Variants in CD164 observed in about 807,000 individuals in gnomAD.
CD164 encodes the protein CD164 molecule, also known as sialomucin core protein 24.
Under a neutral mutation model 24.6 loss-of-function variants are expected in CD164, and 11 were observed. The observed-to-expected ratio is 0.45, with a 90% confidence interval of 0.28 to 0.74. CD164 has a LOEUF of 0.74. Among genes scored for constraint, CD164 ranks in the 30% least tolerant of loss-of-function variants. CD164 has a pLI of 0.13. For missense variants in CD164, 295 were observed against 243.7 expected (o/e 1.21, Z -1.40); for synonymous variants, 126 against 100.3 (o/e 1.26, Z -1.53).
At chr6:109,381,921 G>C (rs1477783544) in intron 1 of CD164, 1 of 420,034 alleles carries the variant, frequency 2.4e-6, no homozygotes, top group East Asian at 4.0e-5. Context: ...TAGGAATTAC[G>C]ATGCACTTTT....
At chr6:109,370,280 C>A (rs1771004132) in intron 5 of CD164, 131 bp downstream of exon 5, 9 of 714,974 alleles carry the variant, frequency 1.3e-5, no homozygotes, top group Non-Finnish European at 2.0e-5. Flanking sequence ...CTTGATCCCC[C>A]CTAAGAGTAA....
In CD164 at chr6:109,379,763, G is replaced by A. The variant is rs1053483237; in HGVS notation, c.176-101C>T. The stretch of plus-strand genomic sequence containing the variant: ...TTTTGAACAATAAGCATTACATACA[G>A]CATCAAAATTACTAATTCAGATAAA... On this transcript the variant is annotated intron_variant, in intron 1 of 5. Coordinates refer to ENST00000310786, the MANE Select transcript of CD164 (RefSeq NM_006016.6). 3.8e-6 allele frequency: 3 copies of A among 788,668 alleles called. No homozygotes were observed. The African/African-American group carries it at 5.3e-5, about 14-fold the overall frequency. 48.9% of individuals were successfully genotyped at this position (788,668 alleles called of 1,614,324 possible). A position where few individuals can be genotyped will look rare whatever the true frequency, so the allele number is the denominator to read the frequency against.
intron 1 of CD164, chr6:109,381,674 T>C: frequency 1.5e-6 from 1 of 680,898 alleles, no homozygotes; most frequent in Non-Finnish European, 2.7e-6. Flanking sequence ...CAAGCGACCT[T>C]CTCAGACTCA....
chr6:109,381,402 T>TA, intron 1 of CD164: 1 of 672,500 alleles, frequency 1.5e-6, no homozygotes, highest in Non-Finnish European at 2.7e-6. Context: ...AGGACATAGT[T>TA]AAGAAAATTT....
chr6:109,378,156 C>A (rs1407620), intron 2 of CD164, among the ~76,000 whole-genome samples, 185 bp from the exon 3 acceptor site: 1 of 152,044 alleles, frequency 6.6e-6, no homozygotes, highest in Non-Finnish European at 1.5e-5. Context: ...CCTTTTCCCA[C>A]TGACTTAGAG....
At chr6:109,373,429 A>G (rs1771209013) in intron 4 of CD164, among the ~76,000 whole-genome samples, 1 of 152,172 alleles carries the variant, frequency 6.6e-6, no homozygotes, top group African/African-American at 2.4e-5. Flanking sequence ...GAAACCGCCT[A>G]AAGGTTTGTT....
intron 3 of CD164, 99 bp from the exon 4 acceptor site, chr6:109,376,211 T>C (rs903731943): frequency 2.7e-6 from 2 of 741,512 alleles, no homozygotes; most frequent in African/African-American, 1.9e-5. Context: ...TTTGAGTACT[T>C]TTCACAATTT....
rs776159791 is a variant in CD164, at chr6:109,376,125, G to C, written c.332-13C>G. On this transcript the variant is annotated splice_polypyrimidine_tract_variant and intron_variant, in intron 3 of 5. Coordinates refer to ENST00000310786, the MANE Select transcript of CD164 (RefSeq NM_006016.6). The stretch of plus-strand genomic sequence containing the variant: ...GTGGCCGTGGAAACTATTAAAAAAA[G>C]AAAAAAGAAAAACCATATACATCAA... 6.4e-7 allele frequency: 1 copy of C among 1,551,882 alleles called. No individual in the cohort carries two copies. Among genetic ancestry groups the C allele is most frequent in the Non-Finnish European group, 8.6e-7 (1 of 1,158,504 alleles).
chr6:109,373,586 C>T (rs1488111840), intron 4 of CD164, among the ~76,000 whole-genome samples: 1 of 152,192 alleles, frequency 6.6e-6, no homozygotes, highest in Non-Finnish European at 1.5e-5. Context: ...CAGAGAACTA[C>T]ATCAAGAGTG....
intron 1 of CD164, chr6:109,380,234 T>C (rs1771661510): frequency 6.6e-6 from 1 of 152,272 alleles, no homozygotes; most frequent in Non-Finnish European, 1.5e-5. Flanking sequence ...TAAAAGCCCA[T>C]ATTCAAGTGC....
intron 1 of CD164, among the ~76,000 whole-genome samples, chr6:109,380,762 T>C (rs1214891661): frequency 1.3e-5 from 2 of 152,202 alleles, no homozygotes; most frequent in Non-Finnish European, 2.9e-5. Flanking sequence ...GCACTTCAAT[T>C]ACACAAAGAC....
rs1343563847 is a variant in CD164, at chr6:109,382,303, T to G, written c.76A>C (p.Asn26His). The change falls in exon 1 of 6, where the codon AAC (asparagine) becomes CAC (histidine). Residue 26 changes from asparagine (N) to histidine (H), a missense_variant. Transcript: ENST00000310786. ...GVLCVLSADK[N>H]TTQHPNVTTL... is the part of the protein sequence containing the mutation. ...GTCACGTTCGGGTGCTGGGTCGTGT[T>G]CTTGTCCGCGGACAGCACGCAGAGC... is the stretch of plus-strand genomic sequence containing the variant. 1.9e-6 allele frequency: 3 copies of G among 1,582,660 alleles called. No individual in the cohort carries two copies. The highest frequency in any genetic ancestry group is 1.7e-6 in the Non-Finnish European group (2 of 1,167,634).
chr6:109,378,372 A>C (rs1329943824), intron 2 of CD164, among the ~76,000 whole-genome samples: 3 of 152,098 alleles, frequency 2.0e-5, no homozygotes, highest in African/African-American at 7.2e-5. Context: ...ACCTGAGGTC[A>C]GGAGTTCGAG....
At chr6:109,373,066 A>C (rs1170447105) in intron 4 of CD164, among the ~76,000 whole-genome samples, 33 of 152,222 alleles carry the variant, frequency 2.2e-4, no homozygotes, top group Non-Finnish European at 4.4e-5. Flanking sequence ...AATAATAATC[A>C]TAAGTTATAA....
Position 109,370,417 on chromosome 6 carries a change from T to C in CD164, c.421A>G (p.Thr141Ala), listed in dbSNP as rs757094794. ...TCTAAAAAGCCTCAATTACCTGATG[T>C]AGTAACTGTCTTGGAAGTTGTAGAA... ...SPSTTSKTVTTSGTTNNTVTP... is the reference protein window; with the variant it reads ...SPSTTSKTVTASGTTNNTVTP... The change falls in exon 5 of 6, where the codon ACA becomes GCA. Residue 141 changes from threonine (T) to alanine (A), a missense_variant. Physicochemically the swap from Thr to Ala is moderately conservative, Grantham distance 58. Transcript: ENST00000310786. 4.3e-6 allele frequency: 7 copies of C among 1,611,592 alleles called. No individual in the cohort carries two copies. The African/African-American group carries it at 5.3e-5, about 12-fold the overall frequency.
chr6:109,367,327 G>A lies in CD164; in HGVS notation c.*1524C>T, dbSNP rs1314355045. 1 of 152,544 alleles carries A rather than the reference G, an allele frequency of 6.6e-6. No homozygotes were observed. The highest frequency in any genetic ancestry group is 2.4e-5 in the African/African-American group (1 of 41,448). 9.4% of individuals were successfully genotyped at this position (152,544 alleles called of 1,614,324 possible). ...TTATCTAAATGCAGAGTTTGTTTAT[G>A]AAATGAAACAAAGCAGTTTGTCATT... On this transcript the variant is annotated 3_prime_UTR_variant, in exon 6 of 6. Transcript: ENST00000310786.
chr6:109,374,420 T>C (rs923086572), intron 4 of CD164, among the ~76,000 whole-genome samples: 2 of 152,134 alleles, frequency 1.3e-5, no homozygotes, highest in Admixed American at 1.3e-4. Context: ...CTCCTCTCAG[T>C]CATGAAGTCC....
chr6:109,382,218 G>A lies in CD164; in HGVS notation c.161C>T (p.Thr54Ile), dbSNP rs760927519. ...SAPVTSLPLV[T>I]TPAPETCEGR... Reference sequence around the variant, plus strand: ...CCCGCGCCCACCTGGTGCCGGAGTGGTGACCAGCGGGAGGGACGTCACCGG... The same window carrying A: ...CCCGCGCCCACCTGGTGCCGGAGTGATGACCAGCGGGAGGGACGTCACCGG... Residue 54 changes from threonine (T) to isoleucine (I), a missense_variant, in exon 1 of 6, where the codon ACC becomes ATC. Physicochemically the swap from Thr to Ile is moderately conservative, Grantham distance 89. Transcript: ENST00000310786. 46 of 1,571,776 alleles carry A rather than the reference G, an allele frequency of 2.9e-5. No homozygotes were observed. The highest frequency in any genetic ancestry group is 3.8e-5 in the Non-Finnish European group (44 of 1,164,024).
intron 2 of CD164, among the ~76,000 whole-genome samples, chr6:109,379,086 T>C (rs1771587223): frequency 6.6e-6 from 1 of 152,220 alleles, no homozygotes; most frequent in Admixed American, 6.5e-5. Flanking sequence ...CTCTTTCTTC[T>C]CTACACCTAA....
Sources: gnomAD v4.1 joint callset for allele counts (sites outside exome capture counted in the v4.1 genomes callset) on GRCh38, gnomAD v4.1.1 for gene constraint, MANE v1.5 for transcripts, NCBI Gene and HGNC (gene_info 2026-07-23, HGNC 2026-07-21) for gene names.